The following MVB12B variants were observed in gnomAD, a reference collection of about 807,000 sequenced individuals.
MVB12B encodes multivesicular body subunit 12B, also known as ESCRT-I complex subunit MVB12B.
MVB12B carries 16 observed loss-of-function variants against 41.6 expected under a neutral mutation model. The observed-to-expected ratio is 0.38, with a 90% confidence interval of 0.26 to 0.58. The LOEUF is 0.58. MVB12B is among the 20% of genes least tolerant of loss of function. MVB12B has a pLI of 0.62. For synonymous variants in MVB12B, 133 were observed against 139.7 expected (o/e 0.95, Z 0.34); for missense variants, 274 against 380.2 (o/e 0.72, Z 2.32).
chr9:126,463,349 C>T (rs1833132255), intron 7 of MVB12B, among the ~76,000 whole-genome samples: 1 of 152,152 alleles, frequency 6.6e-6, no homozygotes, highest in Non-Finnish European at 1.5e-5. Flanking sequence ...GTAGGAAAAC[C>T]AGGTATTCAG....
At chr9:126,349,075 G>A (rs749196914) in intron 2 of MVB12B, among the ~76,000 whole-genome samples, 3 of 152,264 alleles carry the variant, frequency 2.0e-5, no homozygotes, top group Non-Finnish European at 2.9e-5. Flanking sequence ...GTGGGGAAGC[G>A]TGGGGTGTGT....
chr9:126,430,860 C>A (rs1243791865), intron 7 of MVB12B, among the ~76,000 whole-genome samples: 1 of 152,222 alleles, frequency 6.6e-6, no homozygotes, highest in Non-Finnish European at 1.5e-5. Context: ...GGACCCTGCA[C>A]AATGCTACTT....
intron 2 of MVB12B, among the ~76,000 whole-genome samples, chr9:126,344,219 A>T (rs985750821): frequency 6.6e-6 from 1 of 152,234 alleles, no homozygotes; most frequent in Non-Finnish European, 1.5e-5. Flanking sequence ...TCCTGCCTTC[A>T]TGAAGCACAC....
intron 2 of MVB12B, among the ~76,000 whole-genome samples, chr9:126,363,314 G>C (rs1830075139): frequency 6.6e-6 from 1 of 152,186 alleles, no homozygotes; most frequent in African/African-American, 2.4e-5. Context: ...TTATGGTTTA[G>C]GATGACAAAT....
intron 2 of MVB12B, among the ~76,000 whole-genome samples, chr9:126,375,462 C>G (rs1280702298): frequency 8.0e-6 from 1 of 124,502 alleles, no homozygotes; most frequent in Non-Finnish European, 1.6e-5. Flanking sequence ...CTATTTCTTT[C>G]GAACGAGAAA....
intron 2 of MVB12B, among the ~76,000 whole-genome samples, chr9:126,364,382 C>T (rs1830106129): frequency 6.6e-6 from 1 of 152,160 alleles, no homozygotes; most frequent in Non-Finnish European, 1.5e-5. Context: ...GGGTCTCTTT[C>T]AGGGCCCCTT....
chr9:126,502,337 C>G (rs955227587), intron 9 of MVB12B, among the ~76,000 whole-genome samples: 2 of 150,910 alleles, frequency 1.3e-5, no homozygotes, highest in Non-Finnish European at 3.0e-5. Context: ...GTTTGGGCAC[C>G]GAGACCTCAC....
intron 3 of MVB12B, among the ~76,000 whole-genome samples, chr9:126,384,782 C>T (rs111784942): frequency 2.0e-5 from 3 of 151,530 alleles, no homozygotes; most frequent in East Asian, 1.9e-4. Flanking sequence ...ATCCACCTGC[C>T]TCGGCCTCCC....
chr9:126,327,192 G>A, intron 1 of MVB12B, 182 bp downstream of exon 1: 1 of 956,708 alleles, frequency 1.0e-6, no homozygotes, highest in Non-Finnish European at 1.2e-6. Flanking sequence ...CCTTTGCAGA[G>A]CCCCGAGCGC....
At position 126,395,356 on chromosome 9, in the gene MVB12B, C is replaced by A. The variant is rs1281244962; in HGVS notation, c.540-219C>A. Among the ~76,000 whole-genome samples the A allele has an allele frequency of 2.0e-5, 3 of 152,314 alleles. No homozygotes were observed. The East Asian group carries it at 5.8e-4, about 29-fold the overall frequency. On this transcript the variant is annotated intron_variant, in intron 5 of 9. Coordinates refer to ENST00000361171, the MANE Select transcript of MVB12B (RefSeq NM_033446.3). The surrounding 1 kb of genome is among the most constrained non-coding windows in gnomAD (Gnocchi z 4.9). ...GCTTGGGAAGGGTGATGCAGGCGGC[C>A]TTGTCCCGAAGGCCTGCCTAGATGG... is the stretch of plus-strand genomic sequence containing the variant.
At chr9:126,498,792 A>G (rs1833891371) in intron 9 of MVB12B, among the ~76,000 whole-genome samples, 1 of 152,178 alleles carries the variant, frequency 6.6e-6, no homozygotes. Context: ...TAGAGTGTTT[A>G]GTATGAGACC....
chr9:126,375,721 G>A (rs1305917180), intron 2 of MVB12B, among the ~76,000 whole-genome samples: 1 of 152,112 alleles, frequency 6.6e-6, no homozygotes, highest in Non-Finnish European at 1.5e-5. Context: ...CTTGCACATC[G>A]GCAAAGGTCT....
At chr9:126,409,932 AT>A (rs1831580387) in intron 6 of MVB12B, among the ~76,000 whole-genome samples, 2 of 152,340 alleles carry the variant, frequency 1.3e-5, no homozygotes, top group East Asian at 3.9e-4. Flanking sequence ...GCCCACTGTA[AT>A]CTAAACCTAA....
chr9:126,339,916 G>C (rs1829393665), intron 1 of MVB12B, among the ~76,000 whole-genome samples: 1 of 152,150 alleles, frequency 6.6e-6, no homozygotes, highest in Non-Finnish European at 1.5e-5. Flanking sequence ...GAAAATGAAG[G>C]GTCCAGGAGG....
intron 5 of MVB12B, among the ~76,000 whole-genome samples, chr9:126,394,568 C>T (rs2119004733): frequency 1.3e-5 from 2 of 152,282 alleles, no homozygotes; most frequent in Non-Finnish European, 2.9e-5. Flanking sequence ...CACAGTTCTA[C>T]ATGTTACTTT....
chr9:126,336,560 A>G (rs1196777388), intron 1 of MVB12B, among the ~76,000 whole-genome samples: 4 of 152,230 alleles, frequency 2.6e-5, no homozygotes, highest in East Asian at 3.8e-4. Flanking sequence ...GGCCTCCCCA[A>G]GCGCTATCTG....
chr9:126,502,027 C>T (rs1366241300), intron 9 of MVB12B, among the ~76,000 whole-genome samples: 9 of 152,210 alleles, frequency 5.9e-5, no homozygotes, highest in African/African-American at 1.4e-4. Context: ...TCATGGTCAG[C>T]TCACCCATAG....
At chr9:126,399,296 G>C (rs1474746520) in intron 6 of MVB12B, among the ~76,000 whole-genome samples, 2 of 152,228 alleles carry the variant, frequency 1.3e-5, no homozygotes, top group African/African-American at 4.8e-5. Context: ...CTGGGACCCA[G>C]AGCCTCTCCA....
At chr9:126,446,168 G>A (rs1832760757) in intron 7 of MVB12B, among the ~76,000 whole-genome samples, 1 of 151,750 alleles carries the variant, frequency 6.6e-6, no homozygotes, top group African/African-American at 2.4e-5. Flanking sequence ...AATAAATTCA[G>A]GCACTAATTT....
Sources: allele counts gnomAD v4.1 joint callset (sites outside exome capture counted in the v4.1 genomes callset), GRCh38; gene constraint gnomAD v4.1.1; non-coding constraint Gnocchi (gnomAD v3.1); transcripts MANE v1.5; gene names NCBI Gene and HGNC (gene_info 2026-07-23, HGNC 2026-07-21).